CHRM5: variants seen among roughly 807,000 people sequenced by gnomAD.
CHRM5 encodes the protein muscarinic acetylcholine receptor M5.
A neutral mutation model predicts 39.0 loss-of-function variants in CHRM5; 18 were observed. The ratio of observed to expected loss-of-function variants is 0.46; its 90% CI spans 0.32 to 0.68. The LOEUF is 0.68. CHRM5 is among the 30% of genes least tolerant of loss of function. The pLI, the probability that CHRM5 is intolerant of heterozygous loss-of-function variation, is 0.04. For synonymous variants in CHRM5, 241 were observed against 246.3 expected (o/e 0.98, Z 0.20); for missense variants, 515 against 651.1 (o/e 0.79, Z 2.28).
intron 1 of CHRM5, among the ~76,000 whole-genome samples, chr15:34,015,252 G>A (rs1009850616): frequency 1.4e-4 from 22 of 152,144 alleles, no homozygotes; most frequent in African/African-American, 5.3e-4. Context: ...CGGAGGCCAA[G>A]GCAGGCGGGT....
intron 1 of CHRM5, among the ~76,000 whole-genome samples, chr15:33,998,884 CCT>C (rs943453458): frequency 8.5e-5 from 13 of 152,174 alleles, no homozygotes; most frequent in African/African-American, 2.7e-4. Context: ...AATAACTCCC[CCT>C]GTCATCTCAT....
chr15:34,028,782 T>G (rs570779241), intron 1 of CHRM5, among the ~76,000 whole-genome samples: 1 of 151,868 alleles, frequency 6.6e-6, no homozygotes, highest in Non-Finnish European at 1.5e-5. Flanking sequence ...AACTAGCACA[T>G]GGGGGGTGAG....
At chr15:34,018,383 A>T (rs1253876961) in intron 1 of CHRM5, 1 of 152,008 alleles carries the variant, frequency 6.6e-6, no homozygotes, top group Non-Finnish European at 1.5e-5. Context: ...TTGTTCCTTC[A>T]GATGTTCAGA....
At chr15:34,009,113 T>C (rs1897519273) in intron 1 of CHRM5, among the ~76,000 whole-genome samples, 1 of 151,926 alleles carries the variant, frequency 6.6e-6, no homozygotes, top group African/African-American at 2.4e-5. Context: ...ATTCAAAGTG[T>C]TGCTAGGAAA....
chr15:33,981,849 T>G (rs930513845), intron 1 of CHRM5, among the ~76,000 whole-genome samples: 6 of 152,122 alleles, frequency 3.9e-5, no homozygotes, highest in African/African-American at 1.4e-4. Flanking sequence ...GTTTTTTTGT[T>G]TTTGAAACGG....
At chr15:33,999,444 G>A (rs989541763) in intron 1 of CHRM5, among the ~76,000 whole-genome samples, 35 of 152,226 alleles carry the variant, frequency 2.3e-4, no homozygotes, top group African/African-American at 6.7e-4. Context: ...CATTTATTAA[G>A]GAATTCTGAC....
At chr15:34,018,602 C>G (rs1898060901) in intron 1 of CHRM5, 4 of 152,218 alleles carry the variant, frequency 2.6e-5, no homozygotes, top group African/African-American at 9.7e-5. Context: ...TAGTGCAGAC[C>G]CAAAGAGTGT....
At chr15:34,014,381 AAAAC>A (rs1367082558) in intron 1 of CHRM5, among the ~76,000 whole-genome samples, 5 of 116,990 alleles carry the variant, frequency 4.3e-5, no homozygotes, top group Admixed American at 2.1e-4. Flanking sequence ...AAAAAAAAAA[AAAAC>A]AAAAACAAAA....
At chr15:34,035,581 T>G (rs756358190) in intron 1 of CHRM5, among the ~76,000 whole-genome samples, 1 of 152,100 alleles carries the variant, frequency 6.6e-6, no homozygotes, top group Non-Finnish European at 1.5e-5. Flanking sequence ...CTCCTAACTG[T>G]GAGTTATTTA....
intron 1 of CHRM5, among the ~76,000 whole-genome samples, chr15:34,042,214 T>C (rs1428110715): frequency 6.6e-6 from 1 of 152,196 alleles, no homozygotes; most frequent in Non-Finnish European, 1.5e-5. Flanking sequence ...TTTCTGGTAT[T>C]GCTTTTGCTT....
At chr15:33,979,838 T>C (rs1896057826) in intron 1 of CHRM5, among the ~76,000 whole-genome samples, 1 of 152,208 alleles carries the variant, frequency 6.6e-6, no homozygotes, top group African/African-American at 2.4e-5. Context: ...CATATATGCT[T>C]ATATATTTTT....
chr15:34,004,733 G>T (rs1019088293), intron 1 of CHRM5, among the ~76,000 whole-genome samples: 1 of 152,102 alleles, frequency 6.6e-6, no homozygotes, highest in East Asian at 1.9e-4. Flanking sequence ...TACTTAATTG[G>T]TAATTGCTGA....
In CHRM5 at chr15:34,063,997, C is replaced by G. The variant is rs747796110; in HGVS notation, c.1280C>G (p.Thr427Ser). 1.9e-5 allele frequency: 31 copies of G among 1,614,066 alleles called. No individual in the cohort carries two copies. Among genetic ancestry groups the G allele is most frequent in the Non-Finnish European group, 2.5e-5 (29 of 1,180,050 alleles). Reference sequence around the variant, plus strand: ...AATCCCAACCCCAGCCATCAAATGACCAAACGAAAGAGAGTGGTCCTAGTC... The same window carrying G: ...AATCCCAACCCCAGCCATCAAATGAGCAAACGAAAGAGAGTGGTCCTAGTC... ...GLNPNPSHQM[T>S]KRKRVVLVKE... The change falls in exon 3 of 3, where the codon ACC becomes AGC. Residue 427 changes from threonine to serine, a missense_variant. Physicochemically the swap from Thr to Ser is moderately conservative, Grantham distance 58. Transcript: ENST00000383263. The surrounding 1 kb of genome is among the most constrained non-coding windows in gnomAD (Gnocchi z 4.1).
Position 34,011,423 on chromosome 15 carries a change from T to C in CHRM5, c.-407-35117T>C, listed in dbSNP as rs905780283. On this transcript the variant is annotated intron_variant, in intron 1 of 2. Coordinates refer to ENST00000383263, the MANE Select transcript of CHRM5 (RefSeq NM_012125.4). ...TATTTGAAAAAATTAATAAATGCAG[T>C]ATATGGCATATATGTGAATTATCTC... 1.1e-4 allele frequency among the ~76,000 whole-genome samples: 16 copies of C among 152,340 alleles called. 1 individual carries two copies. In the East Asian group the frequency reaches 2.7e-3, roughly 26 times the overall value.
chr15:33,985,013 C>T (rs547764540), intron 1 of CHRM5, among the ~76,000 whole-genome samples: 1 of 152,224 alleles, frequency 6.6e-6, no homozygotes, highest in South Asian at 2.1e-4. Context: ...CCAGCTGAAC[C>T]TTTCCTGGGT....
rs994460733 is a variant in CHRM5 at position 34,063,111 on chromosome 15, A to G, written c.394A>G (p.Ile132Val). 6.2e-7 allele frequency: 1 copy of G among 1,614,000 alleles called. No individual in the cohort carries two copies. Among genetic ancestry groups the G allele is most frequent in the Non-Finnish European group, 8.5e-7 (1 of 1,180,048 alleles). ...GATCAGTTTTGACCGTTACTTTTCCATCACAAGACCCTTGACATATCGGGC... is the reference window on the plus strand; with the variant it reads ...GATCAGTTTTGACCGTTACTTTTCCGTCACAAGACCCTTGACATATCGGGC... ...LVISFDRYFS[I>V]TRPLTYRAKR... Residue 132 changes from isoleucine (I) to valine (V), a missense_variant, in exon 3 of 3, where the codon ATC becomes GTC. By Grantham distance (29) the Ile-to-Val change is conservative. Transcript: ENST00000383263. The surrounding 1 kb of genome is among the most constrained non-coding windows in gnomAD (Gnocchi z 4.1).
At chr15:33,975,660 G>A (rs1316980074) in intron 1 of CHRM5, among the ~76,000 whole-genome samples, 1 of 152,084 alleles carries the variant, frequency 6.6e-6, no homozygotes. Context: ...AGCTGGGCAC[G>A]GTGGCTCACG....
chr15:34,015,345 C>CAT (rs1567468116), intron 1 of CHRM5, among the ~76,000 whole-genome samples: 4 of 151,792 alleles, frequency 2.6e-5, no homozygotes, highest in Non-Finnish European at 4.4e-5. Context: ...TAGCCAGGTG[C>CAT]GGTGGCGGGC....
rs918221431 is a variant in CHRM5 at position 34,062,611 on chromosome 15, G to A, written c.-75-32G>A. On this transcript the variant is annotated intron_variant, in intron 2 of 2. Coordinates refer to ENST00000383263, the MANE Select transcript of CHRM5 (RefSeq NM_012125.4). ...GGATGGACAAGAAAATCATGCTGGT[G>A]TGCGAAGCTAATGTGTTTCCCTCTC... 9 of 895,318 alleles carry A rather than the reference G, an allele frequency of 1.0e-5. No individual in the cohort carries two copies. The South Asian group carries it at 1.5e-4, about 15-fold the overall frequency. The allele number at this position is 895,318 out of a possible 1,614,324, so 55.5% of individuals were successfully genotyped here.
Sources: allele counts gnomAD v4.1 joint callset (sites outside exome capture counted in the v4.1 genomes callset), GRCh38; gene constraint gnomAD v4.1.1; non-coding constraint Gnocchi (gnomAD v3.1); transcripts MANE v1.5; gene names NCBI Gene and HGNC (gene_info 2026-07-23, HGNC 2026-07-21).